KLHL1: variants seen among roughly 807,000 people sequenced by gnomAD.
KLHL1 encodes kelch like family member 1.
Under a neutral mutation model 77.7 loss-of-function variants are expected in KLHL1, and 47 were observed. That is an observed-to-expected ratio of 0.60 (90% CI 0.48 to 0.77). KLHL1 has a LOEUF of 0.77. Ranked by LOEUF, KLHL1 falls within the 30% of genes least tolerant of loss-of-function variation. The pLI is 0.00. For missense variants in KLHL1, 925 were observed against 910.8 expected, an observed-to-expected ratio of 1.02 and a Z score of -0.20; for synonymous variants, 360 against 325.2, an observed-to-expected ratio of 1.11 and a Z score of -1.15.
At chr13:70,084,291 C>T (rs1336415325) in intron 1 of KLHL1, among the ~76,000 whole-genome samples, 1 of 152,026 alleles carries the variant, frequency 6.6e-6, no homozygotes, top group Non-Finnish European at 1.5e-5. Flanking sequence ...TATAACTATA[C>T]CCAGCATAGG....
chr13:69,792,553 A>G (rs1287194390), intron 7 of KLHL1, among the ~76,000 whole-genome samples: 1 of 150,492 alleles, frequency 6.6e-6, no homozygotes, highest in African/African-American at 2.5e-5. Context: ...ACACCTACAT[A>G]TATACCAAAA....
chr13:70,014,699 G>T (rs1885615833), intron 1 of KLHL1, among the ~76,000 whole-genome samples: 1 of 152,048 alleles, frequency 6.6e-6, no homozygotes, highest in Non-Finnish European at 1.5e-5. Flanking sequence ...TTAAAGAATT[G>T]CACTTATAAT....
At chr13:69,947,256 G>T (rs913648599) in intron 3 of KLHL1, among the ~76,000 whole-genome samples, 2 of 151,970 alleles carry the variant, frequency 1.3e-5, no homozygotes, top group Admixed American at 6.6e-5. Context: ...GGACAGTGAG[G>T]AATAAAATCC....
intron 1 of KLHL1, among the ~76,000 whole-genome samples, chr13:69,996,230 T>C (rs1179653933): frequency 6.6e-6 from 1 of 151,696 alleles, no homozygotes; most frequent in African/African-American, 2.4e-5. Context: ...TTGAACCAGG[T>C]TGTCAGAGGT....
intron 5 of KLHL1, among the ~76,000 whole-genome samples, chr13:69,880,699 A>G (rs1330533923): frequency 6.6e-6 from 1 of 152,152 alleles, no homozygotes; most frequent in Non-Finnish European, 1.5e-5. Flanking sequence ...AACTGATGAC[A>G]GAAGAGTTGG....
chr13:69,836,701 T>A (rs1879004942), intron 6 of KLHL1, among the ~76,000 whole-genome samples: 3 of 152,016 alleles, frequency 2.0e-5, no homozygotes, highest in African/African-American at 7.2e-5. Context: ...GCAATATCCA[T>A]CATTCCTTCA....
chr13:69,719,201 TGTGTGTGTGAGA>T lies in KLHL1; in HGVS notation c.2015+156_2015+167del, dbSNP rs976928813. 5.0e-3 allele frequency among the ~76,000 whole-genome samples: 108 copies of T among 21,582 alleles called. No individual in the cohort carries two copies. In the East Asian group the frequency reaches 0.24, roughly 48 times the overall value. The allele number at this position is 21,582 out of a possible 152,430, so 14.2% of individuals were successfully genotyped here. On this transcript the variant is annotated intron_variant, in intron 9 of 10. Coordinates refer to ENST00000377844, the MANE Select transcript of KLHL1 (RefSeq NM_020866.3). The stretch of plus-strand genomic sequence containing the variant: ...GAAAGTACGTGTGTGTGTGTGTGTG[TGTGTGTGTGAGA>T]GAGAGAGAGAGAGAGAGAGAGAAAG...
intron 1 of KLHL1, among the ~76,000 whole-genome samples, chr13:70,050,668 T>C (rs1886608132): frequency 6.6e-6 from 1 of 152,008 alleles, no homozygotes; most frequent in South Asian, 2.1e-4. Flanking sequence ...ATTATGATGA[T>C]GCAAACTTCT....
At chr13:69,738,388 G>A (rs929034393) in intron 8 of KLHL1, among the ~76,000 whole-genome samples, 13 of 152,058 alleles carry the variant, frequency 8.5e-5, no homozygotes, top group East Asian at 1.9e-4. Flanking sequence ...AGAACTGGGC[G>A]GAGGCTGAAA....
At chr13:70,064,452 T>C (rs1000581299) in intron 1 of KLHL1, among the ~76,000 whole-genome samples, 3 of 152,314 alleles carry the variant, frequency 2.0e-5, no homozygotes, top group Non-Finnish European at 2.9e-5. Context: ...ATACAAATTC[T>C]GTAGTGTGTT....
chr13:70,069,791 A>AT (rs1214801296), intron 1 of KLHL1, among the ~76,000 whole-genome samples: 3 of 151,530 alleles, frequency 2.0e-5, no homozygotes, highest in Admixed American at 6.6e-5. Flanking sequence ...AAAGATTTTA[A>AT]AAAATATAAA....
chr13:69,906,628 A>T (rs1416093617), intron 4 of KLHL1, among the ~76,000 whole-genome samples: 1 of 151,290 alleles, frequency 6.6e-6, no homozygotes, highest in Non-Finnish European at 1.5e-5. Context: ...TTTTATCTTG[A>T]ATAACAATTT....
intron 9 of KLHL1, among the ~76,000 whole-genome samples, chr13:69,717,221 C>T (rs538370923): frequency 5.9e-5 from 9 of 152,224 alleles, no homozygotes; most frequent in African/African-American, 1.4e-4. Context: ...TAGCATTGCA[C>T]ACTATTCTTG....
At chr13:69,810,011 T>C (rs12427968) in intron 6 of KLHL1, among the ~76,000 whole-genome samples, 57,505 of 151,670 alleles carry the variant, frequency 0.38, 11,221 homozygotes, top group African/African-American at 0.47. Context: ...TAAATATATA[T>C]GCCCCCAACA....
At chr13:69,792,577 T>C (rs974943682) in intron 7 of KLHL1, among the ~76,000 whole-genome samples, 1 of 131,166 alleles carries the variant, frequency 7.6e-6, no homozygotes, top group Non-Finnish European at 1.6e-5. Context: ...ATTGAAAACA[T>C]ATGTTCAAAC....
At chr13:69,983,605 A>AG (rs1555287935) in intron 1 of KLHL1, among the ~76,000 whole-genome samples, 12 of 130,232 alleles carry the variant, frequency 9.2e-5, no homozygotes, top group Non-Finnish European at 1.4e-4. Flanking sequence ...GAAGAAGAAG[A>AG]GAAAAAAAAA....
chr13:70,102,104 A>G (rs922483541), intron 1 of KLHL1, among the ~76,000 whole-genome samples: 2 of 152,146 alleles, frequency 1.3e-5, no homozygotes, highest in African/African-American at 4.8e-5. Context: ...GTAGTCCTTT[A>G]TCATTTTCAA....
chr13:70,086,639 A>ATTCACTGACATACTTCTT (rs1887551212), intron 1 of KLHL1, among the ~76,000 whole-genome samples: 1 of 147,450 alleles, frequency 6.8e-6, no homozygotes. Context: ...AGAAAAAAGA[A>ATTCACTGACATACTTCTT]AAAGAAAACA....
At chr13:69,956,291 A>G (rs1252989838) in intron 3 of KLHL1, among the ~76,000 whole-genome samples, 1 of 150,374 alleles carries the variant, frequency 6.7e-6, no homozygotes, top group African/African-American at 2.4e-5. Context: ...ATAATTCAGC[A>G]TATTGTTTTT....
Sources: allele counts gnomAD v4.1 joint callset (sites outside exome capture counted in the v4.1 genomes callset), GRCh38; gene constraint gnomAD v4.1.1; transcripts MANE v1.5; gene names NCBI Gene and HGNC (gene_info 2026-07-23, HGNC 2026-07-21).